PRMT8: variants seen among roughly 807,000 people sequenced by gnomAD.
PRMT8 encodes the protein protein arginine N-methyltransferase 8.
In PRMT8, 7 loss-of-function variants were observed where a neutral mutation model predicts 47.1. The ratio of observed to expected loss-of-function variants is 0.15; its 90% CI spans 0.08 to 0.28. The LOEUF is 0.28. PRMT8 is among the 10% of genes least tolerant of loss of function. The pLI is 1.00. For synonymous variants in PRMT8, 188 were observed against 186.5 expected (o/e 1.01, Z -0.07); for missense variants, 237 against 505.4 (o/e 0.47, Z 5.09).
intron 1 of PRMT8, among the ~76,000 whole-genome samples, chr12:3,446,769 G>GA (rs1488958642): frequency 6.6e-6 from 1 of 152,210 alleles, no homozygotes; most frequent in Non-Finnish European, 1.5e-5. Flanking sequence ...ATTACCATCA[G>GA]AAAATGTTCC....
intron 1 of PRMT8, among the ~76,000 whole-genome samples, chr12:3,397,454 G>A (rs950873945): frequency 6.6e-6 from 1 of 150,704 alleles, no homozygotes; most frequent in Admixed American, 6.6e-5. Flanking sequence ...CTGCAGGTCT[G>A]TTGGAGTACT....
At chr12:3,568,237 C>T (rs1186089557) in intron 4 of PRMT8, among the ~76,000 whole-genome samples, 1 of 152,048 alleles carries the variant, frequency 6.6e-6, no homozygotes, top group African/African-American at 2.4e-5. Flanking sequence ...TCTCTGTCCT[C>T]ATTGCCTTCA....
intron 1 of PRMT8, among the ~76,000 whole-genome samples, chr12:3,464,564 A>G (rs989848448): frequency 3.9e-5 from 6 of 152,182 alleles, no homozygotes; most frequent in African/African-American, 1.4e-4. Flanking sequence ...AATATTTATT[A>G]CTTATCCTGT....
intron 1 of PRMT8, among the ~76,000 whole-genome samples, chr12:3,431,406 A>G (rs990011454): frequency 2.6e-5 from 4 of 152,142 alleles, no homozygotes; most frequent in Admixed American, 2.0e-4. Context: ...ATGCAGAATG[A>G]CTTCCAGAAG....
chr12:3,479,971 G>C (rs193079070), intron 1 of PRMT8, among the ~76,000 whole-genome samples: 1 of 152,208 alleles, frequency 6.6e-6, no homozygotes, highest in East Asian at 1.9e-4. Context: ...GATGGGAGAG[G>C]GACAGGCTGT....
chr12:3,387,970 C>G (rs909546244), intron 1 of PRMT8, among the ~76,000 whole-genome samples: 1 of 152,110 alleles, frequency 6.6e-6, no homozygotes, highest in Non-Finnish European at 1.5e-5. Flanking sequence ...ATTTCATTAT[C>G]TATTACATAA....
chr12:3,383,249 A>G (rs1039291532), intron 1 of PRMT8, among the ~76,000 whole-genome samples: 1 of 152,238 alleles, frequency 6.6e-6, no homozygotes, highest in Non-Finnish European at 1.5e-5. Context: ...GTCTATATCT[A>G]TAAAAATCTT....
intron 8 of PRMT8, among the ~76,000 whole-genome samples, chr12:3,587,810 C>T (rs889225400): frequency 2.6e-5 from 4 of 152,228 alleles, no homozygotes; most frequent in African/African-American, 7.2e-5. Context: ...GCGCGCTCTG[C>T]GGGCCACTTA....
intron 1 of PRMT8, among the ~76,000 whole-genome samples, chr12:3,494,626 C>T (rs543030841): frequency 6.6e-6 from 1 of 152,214 alleles, no homozygotes; most frequent in African/African-American, 2.4e-5. Context: ...AGAAAGTGTT[C>T]GTTCAAAAGC....
intron 1 of PRMT8, among the ~76,000 whole-genome samples, chr12:3,477,890 A>G (rs2137099405): frequency 6.6e-6 from 1 of 152,272 alleles, no homozygotes; most frequent in South Asian, 2.1e-4. Flanking sequence ...TGAATAATGG[A>G]ATAAATATTC....
chr12:3,558,487 C>G (rs1293239422), intron 4 of PRMT8, among the ~76,000 whole-genome samples: 1 of 152,120 alleles, frequency 6.6e-6, no homozygotes, highest in Non-Finnish European at 1.5e-5. Context: ...ATGCCCAGAT[C>G]CTTTTCATGT....
chr12:3,491,544 C>T lies in PRMT8; in HGVS notation c.-82C>T. ...GGTTGGATTTTTTTTTTTCTCCCAT[C>T]CTCTCGCTCTCTCTTTTAAAGCGAC... is the stretch of plus-strand genomic sequence containing the variant. On this transcript the variant is annotated 5_prime_UTR_variant, in exon 1 of 10. Coordinates refer to ENST00000382622, the MANE Select transcript of PRMT8 (RefSeq NM_019854.5). 6.7e-7 allele frequency: 1 copy of T among 1,491,236 alleles called. No homozygotes were observed. Among genetic ancestry groups the T allele is most frequent in the East Asian group, 2.4e-5 (1 of 42,492 alleles). The allele number at this position is 1,491,236 out of a possible 1,614,324, so 92.4% of individuals were successfully genotyped here.
intron 1 of PRMT8, among the ~76,000 whole-genome samples, chr12:3,447,904 C>T (rs1050972989): frequency 2.6e-5 from 4 of 152,260 alleles, no homozygotes; most frequent in Non-Finnish European, 4.4e-5. Flanking sequence ...TTTATAGGGA[C>T]GGATGTGCAG....
At position 3,580,225 on chromosome 12, in the gene PRMT8, G is replaced by C. The variant is rs1867030873; in HGVS notation, c.829-2833G>C. On this transcript the variant is annotated intron_variant, in intron 7 of 9. Coordinates refer to ENST00000382622, the MANE Select transcript of PRMT8 (RefSeq NM_019854.5). The surrounding 1 kb of genome is among the most constrained non-coding windows in gnomAD (Gnocchi z 4.6). Reference sequence around the variant, plus strand: ...TCTATTAAGATGCAAATGTCTCAGGGATCTATTGAAAGCTGTCAGCTACAA... The same window carrying C: ...TCTATTAAGATGCAAATGTCTCAGGCATCTATTGAAAGCTGTCAGCTACAA... 6.6e-6 allele frequency among the ~76,000 whole-genome samples: 1 copy of C among 152,136 alleles called. No individual in the cohort carries two copies. Among genetic ancestry groups the C allele is most frequent in the Non-Finnish European group, 1.5e-5 (1 of 68,024 alleles).
chr12:3,441,742 C>A (rs1480057175), intron 1 of PRMT8, among the ~76,000 whole-genome samples: 1 of 152,198 alleles, frequency 6.6e-6, no homozygotes, highest in Admixed American at 6.5e-5. Flanking sequence ...AATATTCGTG[C>A]AATGTAATTG....
intron 2 of PRMT8, among the ~76,000 whole-genome samples, chr12:3,541,810 A>G: frequency 6.6e-6 from 1 of 152,136 alleles, no homozygotes; most frequent in East Asian, 1.9e-4. Context: ...AGCATTTTAT[A>G]TTATTGGTTC....
chr12:3,414,593 C>T (rs1864465741), intron 1 of PRMT8, among the ~76,000 whole-genome samples: 1 of 152,180 alleles, frequency 6.6e-6, no homozygotes, highest in African/African-American at 2.4e-5. Flanking sequence ...GCAGCAGCCT[C>T]CAAGCCCCTG....
chr12:3,444,231 C>T (rs769447763), intron 1 of PRMT8, among the ~76,000 whole-genome samples: 2 of 152,188 alleles, frequency 1.3e-5, no homozygotes, highest in South Asian at 2.1e-4. Context: ...GAAAAGTCCT[C>T]GTCCCAGATG....
rs553248276 is a variant in PRMT8, at chr12:3,437,256, A to G, written c.48+55814A>G. Among the ~76,000 whole-genome samples, 6 of 152,254 alleles carry G rather than the reference A, an allele frequency of 3.9e-5. No homozygotes were observed. In the South Asian group the frequency reaches 1.2e-3, roughly 32 times the overall value. On this transcript the variant is annotated intron_variant, in intron 1 of 9. Transcript: ENST00000452611. ...CATTTTTCCCCCTCAACCATATGACATAGAAAGTTTCTAGGTTAATACAAG... is the reference window on the plus strand; with the variant it reads ...CATTTTTCCCCCTCAACCATATGACGTAGAAAGTTTCTAGGTTAATACAAG...
Sources: gnomAD v4.1 joint callset for allele counts (sites outside exome capture counted in the v4.1 genomes callset) on GRCh38, gnomAD v4.1.1 for gene constraint, Gnocchi (gnomAD v3.1) non-coding constraint, MANE v1.5 for transcripts, NCBI Gene and HGNC (gene_info 2026-07-23, HGNC 2026-07-21) for gene names.